The following NEO1 variants were observed in gnomAD, a reference collection of about 807,000 sequenced individuals.
NEO1 encodes neogenin.
A neutral mutation model predicts 159.7 loss-of-function variants in NEO1; 63 were observed. The observed-to-expected ratio is 0.39, with a 90% confidence interval of 0.32 to 0.49. The LOEUF (loss-of-function observed/expected upper bound fraction) is 0.49. Ranked by LOEUF, NEO1 falls within the 20% of genes least tolerant of loss-of-function variation. The pLI is 0.85. For missense variants in NEO1, 1,615 were observed against 1,831.0 expected (o/e 0.88, Z 2.15); for synonymous variants, 633 against 662.0 (o/e 0.96, Z 0.67).
chr15:73,279,967 G>A (rs1047260942), intron 22 of NEO1, among the ~76,000 whole-genome samples: 6 of 152,210 alleles, frequency 3.9e-5, no homozygotes, highest in Non-Finnish European at 1.5e-5. Context: ...TCAAGTACCA[G>A]TGCTAAGAAA....
intron 5 of NEO1, among the ~76,000 whole-genome samples, chr15:73,171,368 G>C (rs2034953731): frequency 1.3e-5 from 2 of 151,934 alleles, no homozygotes; most frequent in Non-Finnish European, 2.9e-5. Flanking sequence ...TTTGAGACTA[G>C]CCTGGGCAAC....
At chr15:73,286,225 C>G (rs1044042717) in intron 23 of NEO1, among the ~76,000 whole-genome samples, 1 of 152,166 alleles carries the variant, frequency 6.6e-6, no homozygotes, top group Non-Finnish European at 1.5e-5. Context: ...GCCCCTACCA[C>G]TTCACCAGAA....
chr15:73,299,053 G>A (rs1484543648), intron 27 of NEO1, among the ~76,000 whole-genome samples: 1 of 152,126 alleles, frequency 6.6e-6, no homozygotes, highest in Non-Finnish European at 1.5e-5. Flanking sequence ...AAGGAATCCT[G>A]TGAAGGGAAA....
intron 20 of NEO1, 98 bp from the exon 21 acceptor site, chr15:73,274,594 G>A: frequency 1.7e-6 from 2 of 1,159,204 alleles, no homozygotes; most frequent in South Asian, 1.3e-5. Context: ...AGTTTGTGGG[G>A]GTTTTAGTTT....
intron 1 of NEO1, among the ~76,000 whole-genome samples, chr15:73,055,794 G>C (rs944756557): frequency 1.3e-5 from 2 of 152,130 alleles, no homozygotes; most frequent in Non-Finnish European, 2.9e-5. Flanking sequence ...GTCTTCTTGT[G>C]TTGCCTGTCT....
intron 7 of NEO1, among the ~76,000 whole-genome samples, chr15:73,193,808 C>T (rs770722279): frequency 4.0e-5 from 6 of 151,596 alleles, no homozygotes; most frequent in Non-Finnish European, 7.4e-5. Flanking sequence ...AATGCCAAAG[C>T]GCTACTCTAA....
chr15:73,301,561 C>A, intron 28 of NEO1, 104 bp downstream of exon 28: 2 of 1,469,136 alleles, frequency 1.4e-6, no homozygotes, highest in Non-Finnish European at 1.9e-6. Context: ...GGCCCGCCAC[C>A]CAGAACTATG....
chr15:73,301,313 C>A lies in NEO1; in HGVS notation c.4166-8C>A. 1 of 1,614,118 alleles carries A rather than the reference C, an allele frequency of 6.2e-7. No individual in the cohort carries two copies. Among genetic ancestry groups the A allele is most frequent in the South Asian group, 1.1e-5 (1 of 91,068 alleles). On this transcript the variant is annotated splice_polypyrimidine_tract_variant and splice_region_variant and intron_variant, in intron 27 of 28. Transcript: ENST00000261908. The stretch of plus-strand genomic sequence containing the variant: ...GGCCACATATCTGATGGTGCCCTTT[C>A]CCCTCAGCTCTGAACCATCACATTC...
At chr15:73,094,950 C>T (rs1422027831) in intron 1 of NEO1, among the ~76,000 whole-genome samples, 1 of 152,124 alleles carries the variant, frequency 6.6e-6, no homozygotes, top group African/African-American at 2.4e-5. Context: ...GTGGCTCACA[C>T]CTATAAGCCC....
chr15:73,075,850 T>C, intron 1 of NEO1, among the ~76,000 whole-genome samples: 1 of 152,222 alleles, frequency 6.6e-6, no homozygotes, highest in South Asian at 2.1e-4. Context: ...GATCATCTGC[T>C]TCAACCCCTT....
intron 7 of NEO1, among the ~76,000 whole-genome samples, chr15:73,229,366 C>A (rs751528965): frequency 7.3e-5 from 11 of 150,680 alleles, no homozygotes; most frequent in Non-Finnish European, 1.6e-4. Context: ...TTCTTAATTT[C>A]ATTTTTGGAT....
chr15:73,073,086 A>G (rs1311118427), intron 1 of NEO1, among the ~76,000 whole-genome samples: 1 of 152,162 alleles, frequency 6.6e-6, no homozygotes, highest in Non-Finnish European at 1.5e-5. Flanking sequence ...GATGGAAGAC[A>G]TGGGCTGTAG....
At chr15:73,218,260 A>T (rs1320985971) in intron 7 of NEO1, among the ~76,000 whole-genome samples, 1 of 150,312 alleles carries the variant, frequency 6.7e-6, no homozygotes, top group Non-Finnish European at 1.5e-5. Context: ...CCAGCCTTGC[A>T]TCCCAGGGAT....
At chr15:73,218,774 C>T (rs572412427) in intron 7 of NEO1, among the ~76,000 whole-genome samples, 2 of 152,150 alleles carry the variant, frequency 1.3e-5, no homozygotes, top group East Asian at 3.9e-4. Context: ...GTGGTGATAT[C>T]CCCTTTATCA....
chr15:73,296,862 G>A (rs760265298), intron 26 of NEO1, among the ~76,000 whole-genome samples: 33 of 152,094 alleles, frequency 2.2e-4, no homozygotes, highest in Admixed American at 2.6e-4. Flanking sequence ...TACTCAGAAC[G>A]GTGCAAAATG....
chr15:73,180,521 G>C (rs1226564836), intron 7 of NEO1, among the ~76,000 whole-genome samples: 2 of 152,042 alleles, frequency 1.3e-5, no homozygotes, highest in Non-Finnish European at 1.5e-5. Flanking sequence ...TTTACTTGTG[G>C]CAGTGACTTT....
intron 22 of NEO1, among the ~76,000 whole-genome samples, chr15:73,279,853 G>A (rs2041610119): frequency 6.6e-6 from 1 of 152,168 alleles, no homozygotes; most frequent in Non-Finnish European, 1.5e-5. Flanking sequence ...CAGAGGCATG[G>A]CAATATATTA....
intron 1 of NEO1, among the ~76,000 whole-genome samples, chr15:73,096,421 T>A: frequency 6.6e-6 from 1 of 152,140 alleles, no homozygotes; most frequent in East Asian, 1.9e-4. Flanking sequence ...AGTACAATGT[T>A]GAAGACAAAG....
At chr15:73,231,654 G>A (rs996778515) in intron 7 of NEO1, among the ~76,000 whole-genome samples, 4 of 152,124 alleles carry the variant, frequency 2.6e-5, no homozygotes, top group Admixed American at 6.5e-5. Flanking sequence ...CCTGAGAGGC[G>A]GAGGCTGCAG....
Sources: allele counts gnomAD v4.1 joint callset (sites outside exome capture counted in the v4.1 genomes callset), GRCh38; gene constraint gnomAD v4.1.1; transcripts MANE v1.5; gene names NCBI Gene and HGNC (gene_info 2026-07-23, HGNC 2026-07-21).